Variants in RBFOX1 observed in about 807,000 individuals in gnomAD.
RBFOX1 encodes the protein RNA binding protein fox-1 homolog 1.
In RBFOX1, 8 loss-of-function variants were observed where a neutral mutation model predicts 57.7. That is an observed-to-expected ratio of 0.14 (90% CI 0.08 to 0.25). The LOEUF (loss-of-function observed/expected upper bound fraction) is 0.25, where lower values mean the gene tolerates loss of function less well. Among genes scored for constraint, RBFOX1 ranks in the 10% least tolerant of loss-of-function variants. RBFOX1 has a pLI of 1.00. For missense variants in RBFOX1, 611 were observed against 548.5 expected, an observed-to-expected ratio of 1.11 and a Z score of -1.14; for synonymous variants, 326 against 222.4, an observed-to-expected ratio of 1.47 and a Z score of -4.15.
At position 5,790,694 on chromosome 16, in the gene RBFOX1, G is replaced by T. The variant is rs114788740; in HGVS notation, c.319-76609G>T. Among the ~76,000 whole-genome samples the T allele has an allele frequency of 8.6e-3, 1,308 of 152,092 alleles. 20 individuals are homozygous for T. The highest frequency in any genetic ancestry group is 0.03 in the African/African-American group (1,243 of 41,476). On this transcript the variant is annotated intron_variant, in intron 3 of 19. Coordinates refer to the RBFOX1 transcript ENST00000641259. ...CAACAATACCTACTCCACAGGGGCT[G>T]CCATGGAAATGAAAGAGATGAGAGT...
chr16:6,117,432 T>C (rs564066194), intron 1 of RBFOX1, among the ~76,000 whole-genome samples: 4 of 152,364 alleles, frequency 2.6e-5, no homozygotes, highest in Admixed American at 1.3e-4. Flanking sequence ...GTTTGAATGG[T>C]TCCGCTCCAA....
At chr16:5,814,143 C>G (rs2151786838) in intron 3 of RBFOX1, among the ~76,000 whole-genome samples, 1 of 152,248 alleles carries the variant, frequency 6.6e-6, no homozygotes, top group South Asian at 2.1e-4. Context: ...CTCCAAAATC[C>G]TGCAGAGAAG....
intron 4 of RBFOX1, among the ~76,000 whole-genome samples, chr16:7,139,184 G>C (rs62017067): frequency 5.0e-5 from 5 of 99,416 alleles, no homozygotes; most frequent in African/African-American, 1.9e-4. Flanking sequence ...CTCTGTGTGT[G>C]TGTGTGTGTG....
At chr16:6,748,653 T>G (rs76373939) in intron 3 of RBFOX1, among the ~76,000 whole-genome samples, 3,129 of 152,278 alleles carry the variant, frequency 0.021, 109 homozygotes, top group African/African-American at 0.071. Context: ...GGCAAGATCC[T>G]GTCTCAAACA....
intron 4 of RBFOX1, among the ~76,000 whole-genome samples, chr16:7,364,998 A>G (rs1568432424): frequency 7.3e-6 from 1 of 137,052 alleles, no homozygotes; most frequent in African/African-American, 2.6e-5. Context: ...CTTTTGGGGA[A>G]TCTATCTGTC....
At chr16:7,595,711 A>G (rs17757439) in intron 8 of RBFOX1, 70 bp downstream of exon 8, 55,823 of 1,307,810 alleles carry the variant, frequency 0.043, 1,388 homozygotes, top group Non-Finnish European at 0.05. Flanking sequence ...TCGTTGTTCC[A>G]GATGCATCAT....
chr16:5,655,138 T>A (rs1481936777), intron 3 of RBFOX1, among the ~76,000 whole-genome samples: 4 of 152,168 alleles, frequency 2.6e-5, no homozygotes, highest in Non-Finnish European at 5.9e-5. Context: ...GGAACATATT[T>A]TATTATTTGT....
At chr16:7,449,273 A>C (rs557382260) in intron 4 of RBFOX1, among the ~76,000 whole-genome samples, 31 of 152,198 alleles carry the variant, frequency 2.0e-4, no homozygotes, top group Admixed American at 1.3e-3. Flanking sequence ...CTAGGTGGAC[A>C]TTTTTAAAAT....
intron 4 of RBFOX1, among the ~76,000 whole-genome samples, chr16:7,337,411 T>G (rs747788503): frequency 5.9e-5 from 9 of 152,166 alleles, no homozygotes; most frequent in Non-Finnish European, 1.3e-4. Flanking sequence ...ATACGACTTG[T>G]TTAGTAGAGC....
At chr16:7,701,458 G>A (rs2080702512) in intron 14 of RBFOX1, among the ~76,000 whole-genome samples, 4 of 152,170 alleles carry the variant, frequency 2.6e-5, no homozygotes, top group Non-Finnish European at 5.9e-5. Context: ...CATCTAGGTT[G>A]CACACTCCTT....
intron 4 of RBFOX1, chr16:7,328,679 G>C (rs1198191393): frequency 6.6e-6 from 1 of 150,536 alleles, no homozygotes; most frequent in African/African-American, 2.4e-5. Flanking sequence ...ATCAAAGCCT[G>C]GCTAAGAAAA....
Position 6,654,644 on chromosome 16 carries a change from C to T in RBFOX1, c.-22C>T, listed in dbSNP as rs1799717079. 3 of 1,508,532 alleles carry T rather than the reference C, an allele frequency of 2.0e-6. No individual in the cohort carries two copies. The highest frequency in any genetic ancestry group is 2.6e-6 in the Non-Finnish European group (3 of 1,137,526). The allele number at this position is 1,508,532 out of a possible 1,614,324, so 93.4% of individuals were successfully genotyped here. On this transcript the variant is annotated 5_prime_UTR_variant, in exon 3 of 16. Coordinates refer to ENST00000550418, the MANE Select transcript of RBFOX1 (RefSeq NM_018723.4). ...GCAATACCTGCGTGGAAATAGAAGA[C>T]AGAAAGGTGAGTCAATATTTTTCAT...
intron 1 of RBFOX1, among the ~76,000 whole-genome samples, chr16:5,437,145 C>T (rs1258176835): frequency 6.6e-6 from 1 of 152,002 alleles, no homozygotes; most frequent in Non-Finnish European, 1.5e-5. Context: ...AATGCATTGA[C>T]TTGGAATTCT....
chr16:6,678,208 C>A (rs1487018377), intron 3 of RBFOX1, among the ~76,000 whole-genome samples: 1 of 152,220 alleles, frequency 6.6e-6, no homozygotes, highest in African/African-American at 2.4e-5. Flanking sequence ...ACTGCAGCCT[C>A]TGCCTCCTTG....
intron 4 of RBFOX1, among the ~76,000 whole-genome samples, chr16:7,362,344 T>G (rs759797099): frequency 6.6e-6 from 1 of 150,982 alleles, no homozygotes; most frequent in Non-Finnish European, 1.5e-5. Flanking sequence ...TATGTTAGTG[T>G]ATGTGTGTTT....
At chr16:6,828,362 C>G (rs759247609) in intron 3 of RBFOX1, among the ~76,000 whole-genome samples, 6 of 151,684 alleles carry the variant, frequency 4.0e-5, no homozygotes, top group Non-Finnish European at 5.9e-5. Context: ...CATCTCTACT[C>G]AAAATACAAA....
chr16:6,332,771 G>T (rs2083194697), intron 2 of RBFOX1, among the ~76,000 whole-genome samples: 1 of 152,188 alleles, frequency 6.6e-6, no homozygotes, highest in Non-Finnish European at 1.5e-5. Flanking sequence ...ACTTAAAGGT[G>T]TTCAGAGAAG....
intron 3 of RBFOX1, among the ~76,000 whole-genome samples, chr16:6,822,011 C>G (rs1365475478): frequency 1.3e-5 from 2 of 152,092 alleles, no homozygotes; most frequent in Admixed American, 6.6e-5. Flanking sequence ...TTCTACATGA[C>G]CAAATAGGGA....
chr16:7,612,175 G>A, intron 10 of RBFOX1, among the ~76,000 whole-genome samples: 1 of 151,864 alleles, frequency 6.6e-6, no homozygotes, highest in African/African-American at 2.4e-5. Flanking sequence ...CAAAAAATTA[G>A]CCGGGCGTGG....
Sources: allele counts gnomAD v4.1 joint callset (sites outside exome capture counted in the v4.1 genomes callset), GRCh38; gene constraint gnomAD v4.1.1; transcripts MANE v1.5; gene names NCBI Gene and HGNC (gene_info 2026-07-23, HGNC 2026-07-21).